Variants in SPATA6 observed in about 807,000 individuals in gnomAD.
SPATA6 encodes the protein spermatogenesis associated 6.
In SPATA6, 56 loss-of-function variants were observed where a neutral mutation model predicts 65.3. The ratio of observed to expected loss-of-function variants is 0.86; its 90% confidence interval spans 0.69 to 1.07. The LOEUF (loss-of-function observed/expected upper bound fraction) is 1.07. SPATA6 is among the 50% of genes least tolerant of loss of function. The pLI is 0.00. For synonymous variants in SPATA6, 199 were observed against 213.2 expected (o/e 0.93, Z 0.58); for missense variants, 590 against 594.8 (o/e 0.99, Z 0.08).
chr1:48,303,630 T>C (rs1274816395), intron 12 of SPATA6, among the ~76,000 whole-genome samples: 1 of 152,188 alleles, frequency 6.6e-6, no homozygotes, highest in Admixed American at 6.5e-5. Context: ...TAATATTCCA[T>C]TGTGTATATT....
At chr1:48,293,765 T>C (rs1195855078), downstream of SPATA6, among the ~76,000 whole-genome samples, 2 of 152,180 alleles carry the variant, frequency 1.3e-5, no homozygotes, top group Non-Finnish European at 2.9e-5. Context: ...AGAAAGAATA[T>C]CAAGTAATTT....
chr1:48,368,900 C>G (rs1451653739), intron 9 of SPATA6, among the ~76,000 whole-genome samples: 1 of 152,166 alleles, frequency 6.6e-6, no homozygotes, highest in East Asian at 1.9e-4. Flanking sequence ...TTTTTCTGCT[C>G]TGTTTTTTCC....
chr1:48,288,713 C>T, the SPATA6 span, among the ~76,000 whole-genome samples: 1 of 152,216 alleles, frequency 6.6e-6, no homozygotes, highest in Non-Finnish European at 1.5e-5. Context: ...GTGCCTGGCT[C>T]GGAGGGTCCC....
chr1:48,351,091 C>A (rs1646502670), intron 11 of SPATA6, among the ~76,000 whole-genome samples: 1 of 151,872 alleles, frequency 6.6e-6, no homozygotes, highest in Non-Finnish European at 1.5e-5. Flanking sequence ...AGAATTTTAG[C>A]TAAGCACTTA....
At position 48,297,897 on chromosome 1, in the gene SPATA6, A is replaced by C. The variant is rs527348987; in HGVS notation, c.*816T>G. 6.6e-6 allele frequency: 1 copy of C among 152,232 alleles called. No individual in the cohort carries two copies. The highest frequency in any genetic ancestry group is 2.1e-4 in the South Asian group (1 of 4,824). 9.4% of individuals were successfully genotyped at this position (152,232 alleles called of 1,614,324 possible). On this transcript the variant is annotated 3_prime_UTR_variant, in exon 13 of 13. Transcript: ENST00000371847. ...CTTGGGCCATATGGTACTTACACAAATTCCAAGCAGTCAAATTACAATATA... is the reference window on the plus strand; with the variant it reads ...CTTGGGCCATATGGTACTTACACAACTTCCAAGCAGTCAAATTACAATATA...
At chr1:48,395,741 TCAAA>T (rs1650526757) in intron 7 of SPATA6, among the ~76,000 whole-genome samples, 1 of 151,892 alleles carries the variant, frequency 6.6e-6, no homozygotes, top group African/African-American at 2.4e-5. Flanking sequence ...CATTTTGAAT[TCAAA>T]CAGTCTTTAT....
intron 11 of SPATA6, among the ~76,000 whole-genome samples, chr1:48,332,015 A>G (rs567808212): frequency 2.0e-5 from 3 of 152,110 alleles, no homozygotes; most frequent in Non-Finnish European, 4.4e-5. Context: ...TTTCAATTTG[A>G]TCCTATTCAA....
the SPATA6 span, among the ~76,000 whole-genome samples, chr1:48,284,093 T>G: frequency 6.6e-6 from 1 of 152,168 alleles, no homozygotes; most frequent in Non-Finnish European, 1.5e-5. Context: ...GGTCTTTTCA[T>G]GTAATCCCAT....
At chr1:48,416,775 A>G (rs1652825012) in intron 3 of SPATA6, among the ~76,000 whole-genome samples, 1 of 152,202 alleles carries the variant, frequency 6.6e-6, no homozygotes, top group Non-Finnish European at 1.5e-5. Flanking sequence ...CCTAAACAAA[A>G]TATTATCAAC....
At position 48,305,886 on chromosome 1, in the gene SPATA6, A is replaced by T; in HGVS notation, c.1195-8T>A. The T allele has an allele frequency of 6.2e-7, 1 of 1,605,350 alleles. No homozygotes were observed. The highest frequency in any genetic ancestry group is 8.5e-7 in the Non-Finnish European group (1 of 1,174,186). ...CTCTAGGTCTCTCTCATCCTGAAAA[A>T]TTTTAAAGATTTCCATTAACTCACT... On this transcript the variant is annotated splice_region_variant and splice_polypyrimidine_tract_variant and intron_variant, in intron 11 of 12. Coordinates refer to ENST00000371847, the MANE Select transcript of SPATA6 (RefSeq NM_019073.4).
chr1:48,283,113 C>T, the SPATA6 span, among the ~76,000 whole-genome samples: 1 of 139,456 alleles, frequency 7.2e-6, no homozygotes, highest in South Asian at 2.3e-4. Context: ...TATTCTTACT[C>T]ATAGGTGGGA....
rs117040865 is a variant in SPATA6 at position 48,322,099 on chromosome 1, G to A, written c.1195-16221C>T. On this transcript the variant is annotated intron_variant, in intron 11 of 12. Transcript: ENST00000371847. ...AAAAAAAAGACAAAATTCTTCAAAT[G>A]AACAACCTAATGATGCATCTTAAAG... Among the ~76,000 whole-genome samples the A allele has an allele frequency of 5.2e-3, 789 of 151,998 alleles. 19 individuals are homozygous for A. The highest frequency in any genetic ancestry group is 0.05 in the South Asian group (242 of 4,816).
At chr1:48,273,359 T>C in the SPATA6 span, among the ~76,000 whole-genome samples, 1 of 152,170 alleles carries the variant, frequency 6.6e-6, no homozygotes, top group African/African-American at 2.4e-5. Context: ...TTTTTTTTAT[T>C]ATACTTTAAG....
chr1:48,288,073 G>A, the SPATA6 span, among the ~76,000 whole-genome samples: 2 of 152,090 alleles, frequency 1.3e-5, no homozygotes, highest in East Asian at 3.9e-4. Context: ...TGTGGTTTTT[G>A]TCTTTCTTTC....
intron 10 of SPATA6, 107 bp from the exon 11 acceptor site, chr1:48,355,876 T>C: frequency 2.6e-6 from 2 of 766,862 alleles, no homozygotes; most frequent in Non-Finnish European, 4.3e-6. Context: ...TTAATAAAGG[T>C]TGGCATACAT....
chr1:48,366,018 T>C (rs1307338147), intron 9 of SPATA6, among the ~76,000 whole-genome samples: 2 of 152,358 alleles, frequency 1.3e-5, no homozygotes, highest in South Asian at 4.1e-4. Flanking sequence ...TGTTGAATTT[T>C]ATCAAAGTCT....
intron 11 of SPATA6, chr1:48,325,899 G>T: frequency 3.0e-6 from 1 of 337,880 alleles, no homozygotes; most frequent in Non-Finnish European, 6.0e-6. Flanking sequence ...GCTTGTGGTA[G>T]GCAAGTGCAG....
At chr1:48,340,185 T>C (rs566888376) in intron 11 of SPATA6, among the ~76,000 whole-genome samples, 2 of 140,668 alleles carry the variant, frequency 1.4e-5, no homozygotes, top group South Asian at 4.4e-4. Context: ...CTCACAAATT[T>C]AGTAGATACT....
At chr1:48,400,660 T>C in intron 6 of SPATA6, 6 of 509,446 alleles carry the variant, frequency 1.2e-5, no homozygotes, top group Non-Finnish European at 1.8e-5. Context: ...CAAATGTGAA[T>C]AGGATGAAGA....
Sources: gnomAD v4.1 joint callset for allele counts (sites outside exome capture counted in the v4.1 genomes callset) on GRCh38, gnomAD v4.1.1 for gene constraint, MANE v1.5 for transcripts, NCBI Gene and HGNC (gene_info 2026-07-23, HGNC 2026-07-21) for gene names.